Variants in PAICS observed in about 807,000 individuals in gnomAD.
PAICS encodes bifunctional phosphoribosylaminoimidazole carboxylase/phosphoribosylaminoimidazole succinocarboxamide synthetase.
PAICS carries 33 observed loss-of-function variants against 53.7 expected under a neutral mutation model. That is an observed-to-expected ratio of 0.61 (90% CI 0.47 to 0.82). The LOEUF (loss-of-function observed/expected upper bound fraction) is 0.82, where lower values mean the gene tolerates loss of function less well. PAICS is among the 40% of genes least tolerant of loss of function. The probability of loss-of-function intolerance (pLI) is 0.00; values close to 1 mark genes in which losing one functional copy is unlikely to be tolerated. For missense variants in PAICS, 394 were observed against 494.1 expected, an observed-to-expected ratio of 0.80 and a Z score of 1.92; for synonymous variants, 141 against 167.2, an observed-to-expected ratio of 0.84 and a Z score of 1.21.
Position 56,441,857 on chromosome 4 carries a change from G to A in PAICS, c.211G>A (p.Ala71Thr). 1 of 1,587,632 alleles carries A rather than the reference G, an allele frequency of 6.3e-7. No individual in the cohort carries two copies. ...TSCIFQLLQE[A>T]GIKTAFTRKC... is the part of the protein sequence containing the mutation. ...TTGTATTTTTCAGTTATTACAGGAA[G>A]CAGGTAAGCAGCTCCCTCAAAGTCT... is the stretch of plus-strand genomic sequence containing the variant. Residue 71 changes from alanine to threonine, a missense_variant, in exon 2 of 9, where the codon GCA (alanine) becomes ACA (threonine). Around this residue, in one of 3 missense-constraint regions of PAICS, gnomAD observed 168 missense variants for 199.3 expected, o/e 0.84. Coordinates refer to ENST00000512576, the MANE Select transcript of PAICS (RefSeq NM_001079524.2).
intron 7 of PAICS, 74 bp from the exon 8 acceptor site, chr4:56,453,529 A>C (rs980744550): frequency 1.5e-4 from 34 of 222,998 alleles, no homozygotes; most frequent in Admixed American, 6.3e-4. Flanking sequence ...GCCTTAAACC[A>C]AAAAAAAAAA....
chr4:56,453,514 T>C, intron 7 of PAICS, 89 bp from the exon 8 acceptor site: 1 of 775,388 alleles, frequency 1.3e-6, no homozygotes, highest in Non-Finnish European at 2.0e-6. Flanking sequence ...AATTAAAACA[T>C]ATAGGCCTTA....
In PAICS at chr4:56,441,872, C is replaced by A; in HGVS notation, c.214+12C>A. On this transcript the variant is annotated intron_variant, in intron 2 of 8. Coordinates refer to ENST00000512576, the MANE Select transcript of PAICS (RefSeq NM_001079524.2). ...ATTACAGGAAGCAGGTAAGCAGCTCCCTCAAAGTCTCTTCTCTCACCTTCT... is the reference window on the plus strand; with the variant it reads ...ATTACAGGAAGCAGGTAAGCAGCTCACTCAAAGTCTCTTCTCTCACCTTCT... 2 of 1,560,930 alleles carry A rather than the reference C, an allele frequency of 1.3e-6. No homozygotes were observed. Among genetic ancestry groups the A allele is most frequent in the Non-Finnish European group, 8.7e-7 (1 of 1,147,732 alleles).
chr4:56,413,186 G>C, the PAICS span, among the ~76,000 whole-genome samples: 1 of 152,112 alleles, frequency 6.6e-6, no homozygotes, highest in Non-Finnish European at 1.5e-5. Flanking sequence ...TTAAGACAGA[G>C]TCTCACTCTG....
At chr4:56,417,835 G>GTTTTTTT in the PAICS span, among the ~76,000 whole-genome samples, 201 of 102,502 alleles carry the variant, frequency 2.0e-3, 11 homozygotes, top group African/African-American at 6.8e-3. Context: ...TGAAGATTTG[G>GTTTTTTT]TTTTTTGTTT....
the PAICS span, among the ~76,000 whole-genome samples, chr4:56,417,842 G>GTTT: frequency 1.7e-4 from 23 of 136,166 alleles, no homozygotes; most frequent in Non-Finnish European, 2.7e-4. Flanking sequence ...TTGGTTTTTT[G>GTTT]TTTTTTTTTT....
rs554072291 is a variant in PAICS at position 56,463,015 on chromosome 4, A to G, written c.*3477A>G. On this transcript the variant is annotated 3_prime_UTR_variant, in exon 9 of 9. Coordinates refer to ENST00000512576, the MANE Select transcript of PAICS (RefSeq NM_001079524.2). ...AACTCTGTTTCAAAAAAAAAGAAAGAAAGAAAATTACCTGGAATTCAATAT... is the reference window on the plus strand; with the variant it reads ...AACTCTGTTTCAAAAAAAAAGAAAGGAAGAAAATTACCTGGAATTCAATAT... The G allele has an allele frequency of 6.6e-6, 1 of 152,196 alleles. No homozygotes were observed. Among genetic ancestry groups the G allele is most frequent in the African/African-American group, 2.4e-5 (1 of 41,510 alleles). The allele number at this position is 152,196 out of a possible 1,614,324, so 9.4% of individuals were successfully genotyped here. A position where few individuals can be genotyped will look rare whatever the true frequency, so the allele number is the denominator to read the frequency against.
At chr4:56,448,007 C>CTTTTTT (rs35788109) in intron 3 of PAICS, among the ~76,000 whole-genome samples, 79 of 121,956 alleles carry the variant, frequency 6.5e-4, no homozygotes, top group East Asian at 9.8e-4. Context: ...AATTTCTTTT[C>CTTTTTT]TTTTTTTTTT....
intron 1 of PAICS, among the ~76,000 whole-genome samples, chr4:56,439,572 A>G (rs1347379299): frequency 1.3e-5 from 2 of 151,958 alleles, no homozygotes; most frequent in African/African-American, 2.4e-5. Flanking sequence ...TTTATCCTCC[A>G]TGATGAATTC....
At position 56,463,045 on chromosome 4, in the gene PAICS, A is replaced by G. The variant is rs1719567548; in HGVS notation, c.*3507A>G. The G allele has an allele frequency of 6.6e-6, 1 of 152,118 alleles. No individual in the cohort carries two copies. Among genetic ancestry groups the G allele is most frequent in the Non-Finnish European group, 1.5e-5 (1 of 68,030 alleles). The allele number at this position is 152,118 out of a possible 1,614,324, so 9.4% of individuals were successfully genotyped here. A position where few individuals can be genotyped will look rare whatever the true frequency, so the allele number is the denominator to read the frequency against. On this transcript the variant is annotated 3_prime_UTR_variant, in exon 9 of 9. Transcript: ENST00000512576. ...AAATTACCTGGAATTCAATATTGCCATCGGCTGATTTAATTTCTAATATGA... is the reference window on the plus strand; with the variant it reads ...AAATTACCTGGAATTCAATATTGCCGTCGGCTGATTTAATTTCTAATATGA...
rs1719406176 is a variant in PAICS at position 56,459,682 on chromosome 4, A to G, written c.*144A>G. 5.0e-6 allele frequency: 3 copies of G among 602,482 alleles called. No homozygotes were observed. The highest frequency in any genetic ancestry group is 8.6e-6 in the Non-Finnish European group (3 of 349,460). 37.3% of individuals were successfully genotyped at this position (602,482 alleles called of 1,614,324 possible). On this transcript the variant is annotated 3_prime_UTR_variant, in exon 9 of 9. Transcript: ENST00000512576. ...TGAATAAATGCTTCTCTAGATCCAT[A>G]TTAATAAACATGAGCATCTAACCCC...
intron 8 of PAICS, among the ~76,000 whole-genome samples, chr4:56,457,253 A>G (rs1226252800): frequency 2.0e-5 from 3 of 152,214 alleles, no homozygotes; most frequent in Admixed American, 1.3e-4. Context: ...TCTCTACCAT[A>G]AATACAAAAA....
chr4:56,452,061 C>T lies in PAICS; in HGVS notation c.952+9C>T. The T allele has an allele frequency of 6.5e-7, 1 of 1,543,268 alleles. No individual in the cohort carries two copies. The highest frequency in any genetic ancestry group is 8.9e-7 in the Non-Finnish European group (1 of 1,124,612). ...TAAAGCTGAGTATGAAGGTAAACCACAAGTAATATGGACATTTCAGGTATT... is the reference window on the plus strand; with the variant it reads ...TAAAGCTGAGTATGAAGGTAAACCATAAGTAATATGGACATTTCAGGTATT... On this transcript the variant is annotated intron_variant, in intron 7 of 8. Transcript: ENST00000512576.
the PAICS span, chr4:56,420,849 T>G: frequency 6.6e-6 from 1 of 152,194 alleles, no homozygotes. Context: ...ACATACACAC[T>G]AAGACATGAT....
At chr4:56,436,624 T>G (rs1292909392) in intron 1 of PAICS, 4 of 661,536 alleles carry the variant, frequency 6.0e-6, no homozygotes, top group Non-Finnish European at 2.8e-6. Flanking sequence ...CAGTCTTGAT[T>G]CGTCAAAACC....
At position 56,450,416 on chromosome 4, in the gene PAICS, A is replaced by G. The variant is rs545921348; in HGVS notation, c.688-203A>G. Among the ~76,000 whole-genome samples, 12 of 152,362 alleles carry G rather than the reference A, an allele frequency of 7.9e-5. 1 individual carries two copies. In the East Asian group the frequency reaches 2.3e-3, roughly 29 times the overall value. On this transcript the variant is annotated intron_variant, in intron 5 of 8. Coordinates refer to ENST00000512576, the MANE Select transcript of PAICS (RefSeq NM_001079524.2). ...GGCAGTTAATTGTAGTTGCTAGTAC[A>G]GAAAACACTTAACCTTAAGTGAAAA...
rs6825812 is a variant in PAICS at position 56,448,820 on chromosome 4, A to G, written c.684A>G (p.Lys228=). The change falls in exon 5 of 9, where the codon AAA becomes AAG. Residue 228 remains lysine (K), a synonymous_variant. Transcript: ENST00000512576. The part of the protein sequence containing the change: ...PSGDRSQQKD[K]QSYRDLKEVT... ...GAGATCGAAGCCAACAGAAAGACAA[A>G]CAGGTAGATAATGCTTCAGGTTTTT... 11 of 1,496,630 alleles carry G rather than the reference A, an allele frequency of 7.3e-6. No individual in the cohort carries two copies. Among genetic ancestry groups the G allele is most frequent in the Non-Finnish European group, 1.8e-6 (2 of 1,084,474 alleles). 92.7% of individuals were successfully genotyped at this position (1,496,630 alleles called of 1,614,324 possible).
chr4:56,440,513 A>G (rs1177543232), intron 1 of PAICS, among the ~76,000 whole-genome samples: 1 of 152,156 alleles, frequency 6.6e-6, no homozygotes, highest in Non-Finnish European at 1.5e-5. Flanking sequence ...CCCAACAGCA[A>G]TGTACATATA....
At chr4:56,456,571 GTTAA>G (rs888844447) in intron 8 of PAICS, among the ~76,000 whole-genome samples, 1 of 151,916 alleles carries the variant, frequency 6.6e-6, no homozygotes, top group Admixed American at 6.6e-5. Context: ...ATCACACCTG[GTTAA>G]TTTTTTTACT....
Sources: allele counts gnomAD v4.1 joint callset (sites outside exome capture counted in the v4.1 genomes callset), GRCh38; gene constraint gnomAD v4.1.1; regional missense constraint gnomAD v4.1.1; transcripts MANE v1.5; gene names NCBI Gene and HGNC (gene_info 2026-07-23, HGNC 2026-07-21).